Variants in DLG2 observed in about 807,000 individuals in gnomAD.
DLG2 encodes the protein discs large MAGUK scaffold protein 2.
DLG2 carries 45 observed loss-of-function variants against 132.5 expected under a neutral mutation model. That is an observed-to-expected ratio of 0.34 (90% CI 0.27 to 0.44). The LOEUF (loss-of-function observed/expected upper bound fraction) is 0.44. DLG2 is among the 20% of genes least tolerant of loss of function. DLG2 has a pLI of 1.00. For missense variants in DLG2, 1,045 were observed against 1,196.9 expected (o/e 0.87, Z 1.87); for synonymous variants, 424 against 419.6 (o/e 1.01, Z -0.13).
chr11:84,594,702 C>T (rs902907105), intron 6 of DLG2, among the ~76,000 whole-genome samples: 11 of 152,142 alleles, frequency 7.2e-5, no homozygotes, highest in African/African-American at 2.4e-4. Context: ...TAGGAAAAGA[C>T]ATGCTATATT....
chr11:83,821,210 A>G (rs1043638089), intron 17 of DLG2, among the ~76,000 whole-genome samples: 14 of 152,200 alleles, frequency 9.2e-5, no homozygotes, highest in Non-Finnish European at 1.6e-4. Flanking sequence ...ACCTGAGCAG[A>G]GAAAGGGCCA....
chr11:84,345,380 G>C (rs1276253230), intron 7 of DLG2, among the ~76,000 whole-genome samples: 4 of 152,148 alleles, frequency 2.6e-5, no homozygotes, highest in Non-Finnish European at 5.9e-5. Context: ...GCATATTCAA[G>C]GCTGATTTTT....
chr11:84,197,823 T>A (rs1025534951), intron 8 of DLG2, among the ~76,000 whole-genome samples: 2 of 152,150 alleles, frequency 1.3e-5, no homozygotes, highest in African/African-American at 4.8e-5. Context: ...TCTGGTCACG[T>A]TTTATAGGTC....
At chr11:85,492,011 T>C (rs1249953329) in intron 3 of DLG2, among the ~76,000 whole-genome samples, 2 of 149,400 alleles carry the variant, frequency 1.3e-5, no homozygotes, top group South Asian at 2.1e-4. Context: ...AGCTAGAATA[T>C]CAAAACAGCA....
At chr11:84,182,064 A>G (rs770815972) in intron 8 of DLG2, among the ~76,000 whole-genome samples, 1 of 152,182 alleles carries the variant, frequency 6.6e-6, no homozygotes, top group East Asian at 1.9e-4. Flanking sequence ...ATTCAATGAC[A>G]GCAGATTACA....
chr11:83,668,501 A>G (rs1475535886), intron 18 of DLG2, among the ~76,000 whole-genome samples: 3 of 152,144 alleles, frequency 2.0e-5, no homozygotes, highest in Admixed American at 2.0e-4. Context: ...AGCCCTACTA[A>G]GTAGAGGTAA....
chr11:83,842,702 G>C (rs1265364752), intron 16 of DLG2, among the ~76,000 whole-genome samples: 5 of 151,586 alleles, frequency 3.3e-5, no homozygotes, highest in Non-Finnish European at 7.4e-5. Context: ...TGTAGCCCCA[G>C]GTACTCGGGA....
chr11:83,506,643 C>G (rs1254853143), intron 21 of DLG2, among the ~76,000 whole-genome samples: 1 of 152,182 alleles, frequency 6.6e-6, no homozygotes, highest in Non-Finnish European at 1.5e-5. Flanking sequence ...TGTGGAAAGG[C>G]TGATGGCAGC....
intron 15 of DLG2, among the ~76,000 whole-genome samples, chr11:83,899,796 G>T (rs1596144874): frequency 1.3e-5 from 2 of 152,304 alleles, no homozygotes; most frequent in South Asian, 2.1e-4. Context: ...AAATTGGTAA[G>T]ATTAGAGTGC....
intron 19 of DLG2, among the ~76,000 whole-genome samples, chr11:83,588,373 C>G (rs867282917): frequency 4.0e-5 from 6 of 151,798 alleles, no homozygotes; most frequent in Non-Finnish European, 8.8e-5. Context: ...AGCAGGGGCA[C>G]ACTGACACCT....
At chr11:84,239,996 T>C (rs937007001) in intron 8 of DLG2, among the ~76,000 whole-genome samples, 2 of 152,224 alleles carry the variant, frequency 1.3e-5, no homozygotes, top group African/African-American at 4.8e-5. Context: ...GCCCAGGGCA[T>C]CTCAGAATAA....
At chr11:83,823,720 A>G (rs2153984814) in intron 17 of DLG2, among the ~76,000 whole-genome samples, 1 of 152,314 alleles carries the variant, frequency 6.6e-6, no homozygotes, top group East Asian at 1.9e-4. Flanking sequence ...AAGTTAATCA[A>G]CAAGGGAGCA....
intron 3 of DLG2, among the ~76,000 whole-genome samples, chr11:85,331,332 T>C (rs895200266): frequency 1.3e-5 from 2 of 152,212 alleles, no homozygotes; most frequent in Admixed American, 1.3e-4. Context: ...GGTAAATGTA[T>C]ACAAATGCAT....
rs192484094 is a variant in DLG2 at position 85,458,637 on chromosome 11, C to T, written c.40+140020G>A. Reference sequence around the variant, plus strand: ...GTTTTCAGAGGGCTGAGGCTTTGTGCAAGGTCTTATTTGTAGTTGAATTCT... The same window carrying T: ...GTTTTCAGAGGGCTGAGGCTTTGTGTAAGGTCTTATTTGTAGTTGAATTCT... On this transcript the variant is annotated intron_variant, in intron 3 of 27. Transcript: ENST00000376104. Among the ~76,000 whole-genome samples the T allele has an allele frequency of 2.6e-5, 4 of 152,278 alleles. No homozygotes were observed. The East Asian group carries it at 7.7e-4, about 29-fold the overall frequency.
chr11:84,537,804 A>G (rs1044545881), intron 6 of DLG2, among the ~76,000 whole-genome samples: 3 of 152,222 alleles, frequency 2.0e-5, no homozygotes, highest in African/African-American at 7.2e-5. Flanking sequence ...TGTTTGTTGA[A>G]TATAGCCATG....
chr11:83,508,500 C>A (rs2094849033), intron 21 of DLG2, among the ~76,000 whole-genome samples: 1 of 149,036 alleles, frequency 6.7e-6, no homozygotes, highest in South Asian at 2.1e-4. Flanking sequence ...GCCTTGGCCT[C>A]CCAAAGTGCT....
intron 5 of DLG2, among the ~76,000 whole-genome samples, chr11:85,129,376 TG>T (rs2075466798): frequency 1.3e-5 from 2 of 152,188 alleles, no homozygotes; most frequent in African/African-American, 4.8e-5. Flanking sequence ...CTGAGTTAAA[TG>T]GGGTAAGATC....
chr11:84,272,783 A>T (rs769472642), intron 7 of DLG2, among the ~76,000 whole-genome samples: 3 of 152,170 alleles, frequency 2.0e-5, no homozygotes, highest in Non-Finnish European at 4.4e-5. Context: ...ACTGCAAAAG[A>T]TATTCAAGTA....
At chr11:83,897,516 T>C (rs2072115293) in intron 15 of DLG2, among the ~76,000 whole-genome samples, 1 of 152,210 alleles carries the variant, frequency 6.6e-6, no homozygotes, top group Non-Finnish European at 1.5e-5. Flanking sequence ...ACTTGAAACA[T>C]AAATTTCTTT....
Sources: gnomAD v4.1 joint callset for allele counts (sites outside exome capture counted in the v4.1 genomes callset) on GRCh38, gnomAD v4.1.1 for gene constraint, MANE v1.5 for transcripts, NCBI Gene and HGNC (gene_info 2026-07-23, HGNC 2026-07-21) for gene names.